The following PPP1R12B variants were observed in gnomAD, a reference collection of about 807,000 sequenced individuals.
PPP1R12B encodes the protein protein phosphatase 1 regulatory subunit 12B.
Under a neutral mutation model 126.1 loss-of-function variants are expected in PPP1R12B, and 76 were observed. That is an observed-to-expected ratio of 0.60 (90% CI 0.50 to 0.73). The LOEUF is 0.73. Among genes scored for constraint, PPP1R12B ranks in the 30% least tolerant of loss-of-function variants. PPP1R12B has a pLI of 0.00. For synonymous variants in PPP1R12B, 356 were observed against 434.7 expected (o/e 0.82, Z 2.25); for missense variants, 1,052 against 1,205.1 (o/e 0.87, Z 1.88).
Position 202,438,693 on chromosome 1 carries a change from G to A in PPP1R12B, c.1458+669G>A, listed in dbSNP as rs544029484. 9.2e-5 allele frequency: 56 copies of A among 610,586 alleles called. No homozygotes were observed. The Middle Eastern group carries it at 1.0e-3, about 11-fold the overall frequency. 37.8% of individuals were successfully genotyped at this position (610,586 alleles called of 1,614,324 possible). ...GTCCCAGGGCCGCCGGGTTCAAGCC[G>A]CCCAGTCAAGGGCCAGGTGGTTACC... On this transcript the variant is annotated intron_variant, in intron 10 of 23. Coordinates refer to ENST00000608999, the MANE Select transcript of PPP1R12B (RefSeq NM_002481.4).
chr1:202,583,200 T>C lies in PPP1R12B; in HGVS notation c.*2640T>C, dbSNP rs1689646658. On this transcript the variant is annotated 3_prime_UTR_variant, in exon 24 of 24. Transcript: ENST00000608999. ...GGGGAAGGAAGATGATACTTCTTTC[T>C]CAAGAAAAGAAAATTGGATTATTAG... 6.6e-6 allele frequency: 1 copy of C among 152,196 alleles called. No individual in the cohort carries two copies. Among genetic ancestry groups the C allele is most frequent in the Non-Finnish European group, 1.5e-5 (1 of 68,038 alleles). The allele number at this position is 152,196 out of a possible 1,614,324, so 9.4% of individuals were successfully genotyped here. A position where few individuals can be genotyped will look rare whatever the true frequency, so the allele number is the denominator to read the frequency against.
At position 202,582,568 on chromosome 1, in the gene PPP1R12B, G is replaced by C. The variant is rs573233305; in HGVS notation, c.*2008G>C. The C allele has an allele frequency of 6.5e-6, 1 of 152,718 alleles. No individual in the cohort carries two copies. The highest frequency in any genetic ancestry group is 2.1e-4 in the South Asian group (1 of 4,820). The allele number at this position is 152,718 out of a possible 1,614,324, so 9.5% of individuals were successfully genotyped here. A position where few individuals can be genotyped will look rare whatever the true frequency, so the allele number is the denominator to read the frequency against. ...TCCTCCCTCTGAAACACCACATGCT[G>C]TTTAAACTAGAAGCTGTAATTCAAG... On this transcript the variant is annotated 3_prime_UTR_variant, in exon 24 of 24. Transcript: ENST00000608999.
rs571760847 is a variant in PPP1R12B at position 202,372,025 on chromosome 1, C to A, written c.291+22883C>A. On this transcript the variant is annotated intron_variant, in intron 1 of 23. Coordinates refer to ENST00000608999, the MANE Select transcript of PPP1R12B (RefSeq NM_002481.4). ...TAGCTGGGATTACAGGCACGTGCCA[C>A]CACATCTGGCTAATTTTTGTATTTT... is the stretch of plus-strand genomic sequence containing the variant. Among the ~76,000 whole-genome samples the A allele has an allele frequency of 2.0e-5, 3 of 151,972 alleles. No homozygotes were observed. The South Asian group carries it at 6.2e-4, about 32-fold the overall frequency.
chr1:202,532,210 A>G (rs951674064), intron 18 of PPP1R12B, among the ~76,000 whole-genome samples: 9 of 152,136 alleles, frequency 5.9e-5, no homozygotes, highest in African/African-American at 2.2e-4. Context: ...GCATGCTGAT[A>G]TTTTATAATT....
At chr1:202,489,026 G>A (rs1678519013) in intron 14 of PPP1R12B, among the ~76,000 whole-genome samples, 1 of 152,098 alleles carries the variant, frequency 6.6e-6, no homozygotes, top group South Asian at 2.1e-4. Flanking sequence ...GCGACAGAGC[G>A]AGACTCCATC....
chr1:202,409,733 A>G (rs1423672375), intron 1 of PPP1R12B, among the ~76,000 whole-genome samples: 1 of 152,024 alleles, frequency 6.6e-6, no homozygotes, highest in East Asian at 1.9e-4. Context: ...GTGCTATCAT[A>G]GCTCACTGCA....
rs568265231 is a variant in PPP1R12B at position 202,508,225 on chromosome 1, G to C, written c.2490+11403G>C. 6.6e-6 allele frequency among the ~76,000 whole-genome samples: 1 copy of C among 152,156 alleles called. No individual in the cohort carries two copies. The highest frequency in any genetic ancestry group is 1.5e-5 in the Non-Finnish European group (1 of 68,014). On this transcript the variant is annotated intron_variant, in intron 18 of 23. Coordinates refer to ENST00000608999, the MANE Select transcript of PPP1R12B (RefSeq NM_002481.4). This position sits in a 1 kb window ranked among gnomAD's most constrained non-coding sequence, Gnocchi z 4.5. ...GCCATTTAGTGACATGAATCTCTTC[G>C]TAGAGAAACCATAGTTTTGTAACCT...
chr1:202,470,562 A>T (rs1675713239), intron 13 of PPP1R12B, among the ~76,000 whole-genome samples: 2 of 152,076 alleles, frequency 1.3e-5, no homozygotes, highest in South Asian at 4.1e-4. Context: ...TATATATTTT[A>T]TTTATTTTGA....
At position 202,419,831 on chromosome 1, in the gene PPP1R12B, C is replaced by G. The variant is rs144217496; in HGVS notation, c.423-2789C>G. Among the ~76,000 whole-genome samples the G allele has an allele frequency of 7.4e-4, 113 of 152,232 alleles. 1 individual carries two copies. Among genetic ancestry groups the G allele is most frequent in the Admixed American group, 2.3e-3 (35 of 15,278 alleles). ...TCAATCAATTTAAAAGTTTATTTTA[C>G]CAAGGTTAAAGATGCGCACCCAGGA... On this transcript the variant is annotated intron_variant, in intron 2 of 23. Transcript: ENST00000608999. The surrounding 1 kb of genome is among the most constrained non-coding windows in gnomAD (Gnocchi z 4.6).
At chr1:202,501,216 C>T (rs1425416933) in intron 18 of PPP1R12B, among the ~76,000 whole-genome samples, 2 of 152,074 alleles carry the variant, frequency 1.3e-5, no homozygotes, top group South Asian at 2.1e-4. Context: ...TCTGAAAATG[C>T]TTTTATATTC....
intron 13 of PPP1R12B, among the ~76,000 whole-genome samples, chr1:202,479,419 A>G (rs1241385455): frequency 6.6e-6 from 1 of 152,178 alleles, no homozygotes; most frequent in African/African-American, 2.4e-5. Flanking sequence ...AGAGAAGGAA[A>G]CCTTAAAAGG....
intron 1 of PPP1R12B, among the ~76,000 whole-genome samples, chr1:202,352,378 C>T (rs1656186248): frequency 1.3e-5 from 2 of 152,178 alleles, no homozygotes; most frequent in Admixed American, 1.3e-4. Flanking sequence ...TGGGAAGAGG[C>T]AAGTGCCTAC....
At chr1:202,352,916 T>A (rs892053538) in intron 1 of PPP1R12B, among the ~76,000 whole-genome samples, 2 of 152,004 alleles carry the variant, frequency 1.3e-5, no homozygotes, top group Admixed American at 6.6e-5. Context: ...AAATTCAGAC[T>A]GTCTTTGTAA....
intron 10 of PPP1R12B, chr1:202,438,924 T>C: frequency 6.5e-7 from 1 of 1,527,464 alleles, no homozygotes; most frequent in Non-Finnish European, 9.0e-7. Context: ...TGCCTGGAGG[T>C]GACCCCGAAG....
intron 1 of PPP1R12B, among the ~76,000 whole-genome samples, chr1:202,408,321 T>C (rs1294614440): frequency 1.3e-5 from 2 of 152,238 alleles, no homozygotes; most frequent in Non-Finnish European, 2.9e-5. Flanking sequence ...TGATTAGTTC[T>C]TTCAGGGTTT....
At chr1:202,464,712 A>G in intron 13 of PPP1R12B, among the ~76,000 whole-genome samples, 1 of 152,164 alleles carries the variant, frequency 6.6e-6, no homozygotes, top group Non-Finnish European at 1.5e-5. Context: ...TAGGAGATCT[A>G]TAGGGAATAT....
At chr1:202,411,344 T>C (rs1667362158) in intron 1 of PPP1R12B, among the ~76,000 whole-genome samples, 1 of 151,828 alleles carries the variant, frequency 6.6e-6, no homozygotes, top group African/African-American at 2.4e-5. Flanking sequence ...ACTCTGTTGA[T>C]TGGTCTTACC....
intron 11 of PPP1R12B, among the ~76,000 whole-genome samples, chr1:202,441,674 A>G (rs1439362837): frequency 1.3e-5 from 2 of 152,284 alleles, no homozygotes; most frequent in Non-Finnish European, 2.9e-5. Flanking sequence ...ATCCTAGTAC[A>G]GCACTTTCCT....
chr1:202,492,972 T>C (rs1679086626), intron 14 of PPP1R12B, 142 bp from the exon 15 acceptor site: 1 of 782,030 alleles, frequency 1.3e-6, no homozygotes, highest in South Asian at 1.7e-5. Context: ...CATATATTGC[T>C]TGAAGTGGCC....
Sources: gnomAD v4.1 joint callset for allele counts (sites outside exome capture counted in the v4.1 genomes callset) on GRCh38, gnomAD v4.1.1 for gene constraint, Gnocchi (gnomAD v3.1) non-coding constraint, MANE v1.5 for transcripts, NCBI Gene and HGNC (gene_info 2026-07-23, HGNC 2026-07-21) for gene names.